The following NPSR1 variants were observed in gnomAD, a reference collection of about 807,000 sequenced individuals.
NPSR1 encodes neuropeptide S receptor.
NPSR1 carries 48 observed loss-of-function variants against 46.9 expected under a neutral mutation model. The observed-to-expected ratio is 1.02, with a 90% CI of 0.81 to 1.30. The LOEUF (loss-of-function observed/expected upper bound fraction) is 1.30. Among genes scored for constraint, NPSR1 ranks in the 50% most tolerant of loss-of-function variants. The pLI is 0.00. For missense variants in NPSR1, 450 were observed against 449.5 expected (o/e 1.00, Z -0.01); for synonymous variants, 176 against 168.1 (o/e 1.05, Z -0.36).
chr7:34,822,931 A>G (rs1338279830), intron 4 of NPSR1, among the ~76,000 whole-genome samples: 1 of 152,212 alleles, frequency 6.6e-6, no homozygotes, highest in Non-Finnish European at 1.5e-5. Flanking sequence ...TATGTAAATA[A>G]TAAATATCCA....
chr7:34,658,577 G>A lies in NPSR1; in HGVS notation c.147+18G>A, dbSNP rs199621734. The A allele has an allele frequency of 9.2e-5, 148 of 1,611,042 alleles. 1 individual carries two copies. The East Asian group carries it at 1.3e-3, about 15-fold the overall frequency. The stretch of plus-strand genomic sequence containing the variant: ...CCTTTAAGGTAAGTTTCTTGCCTGC[G>A]ACTCTGAACACTGACTTATAACAAT... On this transcript the variant is annotated intron_variant, in intron 1 of 8. Transcript: ENST00000360581.
At chr7:34,807,882 C>A (rs1049625917) in intron 3 of NPSR1, among the ~76,000 whole-genome samples, 9 of 151,862 alleles carry the variant, frequency 5.9e-5, no homozygotes, top group African/African-American at 1.9e-4. Context: ...AAAAGCTCCC[C>A]GCCCCTACCC....
intron 2 of NPSR1, chr7:34,685,904 A>C: frequency 4.2e-6 from 1 of 240,260 alleles, no homozygotes; most frequent in Non-Finnish European, 8.3e-6. Context: ...ACCAACAAGA[A>C]CTCCAATTTT....
At chr7:34,697,772 A>G (rs943964772) in intron 2 of NPSR1, among the ~76,000 whole-genome samples, 5 of 147,436 alleles carry the variant, frequency 3.4e-5, no homozygotes, top group African/African-American at 1.2e-4. Flanking sequence ...TAATACATAC[A>G]TATTATATAA....
intron 6 of NPSR1, among the ~76,000 whole-genome samples, chr7:34,838,254 C>T (rs1018362679): frequency 6.0e-4 from 92 of 152,194 alleles, no homozygotes; most frequent in African/African-American, 2.0e-3. Context: ...CTGTACAAAG[C>T]CACTTGGAGG....
At chr7:34,679,496 T>C (rs1270425427) in intron 1 of NPSR1, among the ~76,000 whole-genome samples, 2 of 92,882 alleles carry the variant, frequency 2.2e-5, no homozygotes, top group Non-Finnish European at 4.9e-5. Context: ...CCCTCACTTA[T>C]CATCCGAGTG....
intron 2 of NPSR1, among the ~76,000 whole-genome samples, chr7:34,762,544 T>C (rs1028556595): frequency 1.3e-5 from 2 of 152,142 alleles, no homozygotes; most frequent in Non-Finnish European, 2.9e-5. Context: ...ATTCAGTGTT[T>C]AAAAAAGAAA....
intron 3 of NPSR1, among the ~76,000 whole-genome samples, chr7:34,803,328 C>G (rs1266257178): frequency 6.6e-6 from 1 of 152,052 alleles, no homozygotes; most frequent in Non-Finnish European, 1.5e-5. Flanking sequence ...AAATGTCCAA[C>G]AGTGATAGAC....
intron 6 of NPSR1, among the ~76,000 whole-genome samples, chr7:34,844,454 T>C (rs977039386): frequency 4.6e-5 from 7 of 152,062 alleles, no homozygotes; most frequent in Non-Finnish European, 8.8e-5. Flanking sequence ...GTTTTTGTTT[T>C]TTTGTTTTTT....
At chr7:34,836,426 A>C (rs1380956973) in intron 6 of NPSR1, among the ~76,000 whole-genome samples, 1 of 152,206 alleles carries the variant, frequency 6.6e-6, no homozygotes, top group Non-Finnish European at 1.5e-5. Context: ...GGAATTTAGA[A>C]TGTGATGAAG....
chr7:34,821,668 TA>T (rs767233395), intron 4 of NPSR1, among the ~76,000 whole-genome samples: 9 of 152,162 alleles, frequency 5.9e-5, no homozygotes, highest in Non-Finnish European at 2.9e-5. Flanking sequence ...TTCACTAGGT[TA>T]AAAAATTAGC....
intron 2 of NPSR1, among the ~76,000 whole-genome samples, chr7:34,741,479 G>A (rs923467907): frequency 4.6e-5 from 7 of 152,098 alleles, no homozygotes; most frequent in East Asian, 1.9e-4. Context: ...TGTTTGTCCT[G>A]ACTGTTATCA....
At chr7:34,758,834 A>G (rs1786015200) in intron 2 of NPSR1, among the ~76,000 whole-genome samples, 1 of 152,202 alleles carries the variant, frequency 6.6e-6, no homozygotes, top group Non-Finnish European at 1.5e-5. Flanking sequence ...TTTTAGCACA[A>G]AAAACCCCGA....
rs575072601 is a variant in NPSR1 at position 34,752,305 on chromosome 7, C to A, written c.281-26157C>A. Among the ~76,000 whole-genome samples, 61 of 152,136 alleles carry A rather than the reference C, an allele frequency of 4.0e-4. 2 individuals are homozygous for A. In the South Asian group the frequency reaches 0.012, roughly 31 times the overall value. On this transcript the variant is annotated intron_variant, in intron 2 of 8. Transcript: ENST00000360581. The stretch of plus-strand genomic sequence containing the variant: ...TGGGTCCAGGTGCTGGGGGGATTAC[C>A]CTTATCTTGTCTCCTGCTAAATTAC...
At chr7:34,808,536 A>G (rs961527171) in intron 3 of NPSR1, among the ~76,000 whole-genome samples, 6 of 152,140 alleles carry the variant, frequency 3.9e-5, no homozygotes, top group African/African-American at 1.4e-4. Context: ...AGTCATATTT[A>G]TAATTATTTT....
intron 1 of NPSR1, among the ~76,000 whole-genome samples, chr7:34,670,806 C>T (rs35534471): frequency 0.25 from 37,627 of 151,646 alleles, 4,896 homozygotes; most frequent in South Asian, 0.34. Context: ...CAATAATTCA[C>T]CATAATATGA....
intron 2 of NPSR1, among the ~76,000 whole-genome samples, chr7:34,768,752 A>C (rs1012778734): frequency 6.6e-6 from 1 of 152,330 alleles, no homozygotes; most frequent in African/African-American, 2.4e-5. Context: ...AAACTGCGGA[A>C]GTTCAAGAAA....
intron 2 of NPSR1, among the ~76,000 whole-genome samples, chr7:34,727,537 A>G (rs1784219226): frequency 6.6e-6 from 1 of 152,232 alleles, no homozygotes; most frequent in Admixed American, 6.5e-5. Flanking sequence ...TACCTGGATA[A>G]GTTCATGTAG....
intron 1 of NPSR1, among the ~76,000 whole-genome samples, chr7:34,663,067 C>CTCTCTCTCTCTCTCTCTCTGTGTGTGTG (rs35826710): frequency 5.6e-3 from 556 of 99,222 alleles, no homozygotes; most frequent in Middle Eastern, 0.014. Context: ...CTCTCTCTCT[C>CTCTCTCTCTCTCTCTCTCTGTGTGTGTG]TGTGTGTGTG....
Sources: allele counts gnomAD v4.1 joint callset (sites outside exome capture counted in the v4.1 genomes callset), GRCh38; gene constraint gnomAD v4.1.1; transcripts MANE v1.5; gene names NCBI Gene and HGNC (gene_info 2026-07-23, HGNC 2026-07-21).